The following SNX29 variants were observed in gnomAD, a reference collection of about 807,000 sequenced individuals.
SNX29 encodes the protein sorting nexin 29.
SNX29 carries 78 observed loss-of-function variants against 102.1 expected under a neutral mutation model. The ratio of observed to expected loss-of-function variants is 0.76; its 90% CI spans 0.64 to 0.92. The LOEUF is 0.92. SNX29 is among the 40% of genes least tolerant of loss of function. SNX29 has a pLI of 0.00. For missense variants in SNX29, 1,280 were observed against 1,061.7 expected (o/e 1.21, Z -2.86); for synonymous variants, 580 against 414.5 (o/e 1.40, Z -4.85).
At chr16:12,286,559 A>G (rs1307692986) in intron 15 of SNX29, among the ~76,000 whole-genome samples, 4 of 151,690 alleles carry the variant, frequency 2.6e-5, no homozygotes, top group African/African-American at 9.7e-5. Flanking sequence ...GTAAGCCAGG[A>G]TGGTCTCGAT....
At chr16:12,196,039 G>A (rs1225188132) in intron 13 of SNX29, among the ~76,000 whole-genome samples, 2 of 146,000 alleles carry the variant, frequency 1.4e-5, no homozygotes, top group Non-Finnish European at 3.0e-5. Flanking sequence ...ACCCAGGCTG[G>A]ATCTTTGTTC....
intron 16 of SNX29, among the ~76,000 whole-genome samples, chr16:12,385,924 G>A (rs958128170): frequency 6.6e-6 from 1 of 152,236 alleles, no homozygotes; most frequent in African/African-American, 2.4e-5. Flanking sequence ...CTGCACAGTG[G>A]TGGGGGTGAG....
chr16:12,153,254 C>A (rs1049542255), intron 13 of SNX29, among the ~76,000 whole-genome samples: 2 of 151,824 alleles, frequency 1.3e-5, no homozygotes, highest in African/African-American at 2.4e-5. Flanking sequence ...CAGAGCAAGA[C>A]CCTGTCTCTG....
chr16:12,474,133 C>G (rs952876561), intron 18 of SNX29, among the ~76,000 whole-genome samples: 2 of 152,030 alleles, frequency 1.3e-5, no homozygotes, highest in African/African-American at 4.8e-5. Context: ...GCCGTGGGTT[C>G]AAATTCCTTA....
chr16:12,331,803 C>T (rs1414039530), intron 15 of SNX29, among the ~76,000 whole-genome samples: 1 of 152,204 alleles, frequency 6.6e-6, no homozygotes, highest in African/African-American at 2.4e-5. Flanking sequence ...CTGCCTGCCT[C>T]AGCCTCCCAA....
intron 15 of SNX29, 106 bp from the exon 16 acceptor site, chr16:12,356,057 C>A: frequency 2.1e-6 from 2 of 967,648 alleles, no homozygotes; most frequent in South Asian, 2.9e-5. Flanking sequence ...CAACAGCCTA[C>A]AGATGTTTTG....
At chr16:12,455,757 T>C (rs373557306) in intron 18 of SNX29, among the ~76,000 whole-genome samples, 1 of 152,212 alleles carries the variant, frequency 6.6e-6, no homozygotes, top group East Asian at 1.9e-4. Context: ...GTCCATCCTT[T>C]GCTCACTGCC....
chr16:12,318,355 C>T (rs1391256321), intron 15 of SNX29, among the ~76,000 whole-genome samples: 1 of 152,202 alleles, frequency 6.6e-6, no homozygotes, highest in Admixed American at 6.5e-5. Flanking sequence ...GGTATTTTGC[C>T]TTCTTGCTGA....
intron 14 of SNX29, among the ~76,000 whole-genome samples, chr16:12,263,195 G>C (rs1370341389): frequency 6.7e-6 from 1 of 149,276 alleles, no homozygotes; most frequent in Non-Finnish European, 1.5e-5. Flanking sequence ...GCAGTGGCAT[G>C]ATCTCGGCTC....
At chr16:12,156,853 C>G (rs902060137) in intron 13 of SNX29, among the ~76,000 whole-genome samples, 1 of 152,194 alleles carries the variant, frequency 6.6e-6, no homozygotes, top group Non-Finnish European at 1.5e-5. Flanking sequence ...CCCCCCTCCC[C>G]TGGAGCTCGG....
intron 18 of SNX29, among the ~76,000 whole-genome samples, chr16:12,476,736 G>T (rs1161430652): frequency 6.6e-6 from 1 of 151,896 alleles, no homozygotes; most frequent in Non-Finnish European, 1.5e-5. Context: ...CCTTCCTCCT[G>T]TTCACAGAAT....
At chr16:12,311,021 A>G (rs2080521986) in intron 15 of SNX29, among the ~76,000 whole-genome samples, 2 of 152,254 alleles carry the variant, frequency 1.3e-5, no homozygotes, top group African/African-American at 4.8e-5. Flanking sequence ...TGGGAGGACC[A>G]TAACTTAGTT....
intron 3 of SNX29, among the ~76,000 whole-genome samples, chr16:12,012,927 A>G (rs2056700687): frequency 6.6e-6 from 1 of 150,562 alleles, no homozygotes; most frequent in African/African-American, 2.4e-5. Flanking sequence ...TATGGTACCA[A>G]TTGGGAAAAA....
At chr16:12,393,408 G>T (rs558965884) in intron 16 of SNX29, among the ~76,000 whole-genome samples, 5 of 138,180 alleles carry the variant, frequency 3.6e-5, no homozygotes, top group African/African-American at 7.5e-5. Context: ...ATGCATGCAT[G>T]CATGCATTCA....
intron 16 of SNX29, among the ~76,000 whole-genome samples, chr16:12,356,955 C>G (rs529040985): frequency 5.3e-5 from 8 of 152,354 alleles, no homozygotes; most frequent in African/African-American, 1.4e-4. Context: ...ATTCGCTGAT[C>G]TAGATCACCT....
At chr16:12,248,553 CTAGTTTTTGTATTTTTAGTAGAGTAG>C (rs1368815514) in intron 14 of SNX29, among the ~76,000 whole-genome samples, 1 of 151,974 alleles carries the variant, frequency 6.6e-6, no homozygotes, top group East Asian at 1.9e-4. Context: ...CCATGCCTGG[CTAGTTTTTGTATTTTTAGTAGAGTAG>C]TAGTTTTTGT....
At chr16:12,210,577 T>C (rs1961222844) in intron 14 of SNX29, among the ~76,000 whole-genome samples, 1 of 152,058 alleles carries the variant, frequency 6.6e-6, no homozygotes, top group African/African-American at 2.4e-5. Flanking sequence ...CAGCCAGGCC[T>C]GAAGCTCCCT....
At chr16:12,326,353 G>A (rs545369223) in intron 15 of SNX29, among the ~76,000 whole-genome samples, 8 of 142,480 alleles carry the variant, frequency 5.6e-5, no homozygotes. Context: ...CCCTGTCCAG[G>A]TGTGAGGGGC....
chr16:12,330,362 G>C (rs575466912), intron 15 of SNX29, among the ~76,000 whole-genome samples: 37 of 152,260 alleles, frequency 2.4e-4, no homozygotes, highest in South Asian at 6.2e-4. Context: ...AGCTACTCGG[G>C]AGGCTGAGGC....
Sources: gnomAD v4.1 joint callset for allele counts (sites outside exome capture counted in the v4.1 genomes callset) on GRCh38, gnomAD v4.1.1 for gene constraint, MANE v1.5 for transcripts, NCBI Gene and HGNC (gene_info 2026-07-23, HGNC 2026-07-21) for gene names.